Variants in SASS6 observed in about 807,000 individuals in gnomAD.
SASS6 encodes spindle assembly abnormal protein 6 homolog.
In SASS6, 59 loss-of-function variants were observed where a neutral mutation model predicts 94.9. The observed-to-expected ratio is 0.62, with a 90% CI of 0.50 to 0.77. SASS6 has a LOEUF of 0.77. Among genes scored for constraint, SASS6 ranks in the 30% least tolerant of loss-of-function variants. The pLI is 0.00. For synonymous variants in SASS6, 264 were observed against 270.0 expected (o/e 0.98, Z 0.22); for missense variants, 698 against 734.1 (o/e 0.95, Z 0.57).
Position 100,110,286 on chromosome 1 carries a change from C to A in SASS6, c.861+6G>T, listed in dbSNP as rs1362238027. 1 of 1,527,488 alleles carries A rather than the reference C, an allele frequency of 6.5e-7. No homozygotes were observed. Among genetic ancestry groups the A allele is most frequent in the Non-Finnish European group, 8.8e-7 (1 of 1,136,182 alleles). 94.6% of individuals were successfully genotyped at this position (1,527,488 alleles called of 1,614,324 possible). On this transcript the variant is annotated splice_donor_region_variant and intron_variant, in intron 8 of 16. Transcript: ENST00000287482. The stretch of plus-strand genomic sequence containing the variant: ...TTGGGGGAGGAAAAAAAACAACATT[C>A]AATACCTCTTCAACACCAGAAAGTT...
At chr1:100,104,327 C>T (rs1043172920) in intron 13 of SASS6, among the ~76,000 whole-genome samples, 23 of 152,118 alleles carry the variant, frequency 1.5e-4, no homozygotes, top group African/African-American at 5.3e-4. Context: ...TGTTAATATT[C>T]CATGAAATTG....
intron 1 of SASS6, among the ~76,000 whole-genome samples, chr1:100,129,174 T>C (rs1234167486): frequency 1.3e-5 from 2 of 151,822 alleles, no homozygotes; most frequent in Admixed American, 6.6e-5. Context: ...GAGTTTGAGA[T>C]TACAGTAAGC....
At chr1:100,121,791 T>C (rs1654219891) in intron 4 of SASS6, among the ~76,000 whole-genome samples, 1 of 152,196 alleles carries the variant, frequency 6.6e-6, no homozygotes, top group Non-Finnish European at 1.5e-5. Flanking sequence ...AAAAATTCAC[T>C]GAGTGCCACA....
In SASS6 at chr1:100,132,707, A is replaced by T. The variant is rs768395855; in HGVS notation, c.65+43T>A. The T allele has an allele frequency of 3.9e-6, 6 of 1,532,994 alleles. No individual in the cohort carries two copies. In the African/African-American group the frequency reaches 8.2e-5, roughly 21 times the overall value. 95.0% of individuals were successfully genotyped at this position (1,532,994 alleles called of 1,614,324 possible). A position where few individuals can be genotyped will look rare whatever the true frequency, so the allele number is the denominator to read the frequency against. The stretch of plus-strand genomic sequence containing the variant: ...ACCGCCATCTTTCCCCATTGGCCTG[A>T]CCCCAACCGCCACCCGCGGGCACTG... On this transcript the variant is annotated intron_variant, in intron 1 of 16. Transcript: ENST00000287482.
intron 8 of SASS6, among the ~76,000 whole-genome samples, chr1:100,109,147 C>A (rs1165830782): frequency 6.6e-6 from 1 of 152,040 alleles, no homozygotes; most frequent in Non-Finnish European, 1.5e-5. Context: ...AGCATTTAGA[C>A]TACCAATGTA....
At chr1:100,108,884 C>G (rs762084805) in intron 8 of SASS6, among the ~76,000 whole-genome samples, 15 of 151,814 alleles carry the variant, frequency 9.9e-5, no homozygotes, top group Non-Finnish European at 1.9e-4. Flanking sequence ...TTTTGGCTGG[C>G]ACACAGTAAA....
intron 14 of SASS6, among the ~76,000 whole-genome samples, chr1:100,090,715 C>G (rs543893301): frequency 1.1e-3 from 172 of 152,178 alleles, no homozygotes; most frequent in Non-Finnish European, 1.8e-3. Flanking sequence ...GATACAATTA[C>G]AGGAACTGCA....
chr1:100,092,068 T>C (rs1483163645), intron 14 of SASS6, among the ~76,000 whole-genome samples: 15 of 148,294 alleles, frequency 1.0e-4, no homozygotes, highest in Non-Finnish European at 1.5e-4. Flanking sequence ...CTTCAAAAAT[T>C]TGGGAAAAGG....
chr1:100,114,838 A>G (rs2101675546), intron 7 of SASS6, among the ~76,000 whole-genome samples: 1 of 152,290 alleles, frequency 6.6e-6, no homozygotes, highest in Non-Finnish European at 1.5e-5. Context: ...AGATGATTCC[A>G]CCTTTGGAAA....
intron 14 of SASS6, among the ~76,000 whole-genome samples, chr1:100,102,566 C>G (rs1379987428): frequency 6.6e-6 from 1 of 151,458 alleles, no homozygotes; most frequent in African/African-American, 2.4e-5. Flanking sequence ...GTAATCCCAG[C>G]TACTCAGGAG....
At chr1:100,088,331 C>T in intron 14 of SASS6, 95 bp from the exon 15 acceptor site, 1 of 637,434 alleles carries the variant, frequency 1.6e-6, no homozygotes. Context: ...TGCTCTGTTG[C>T]TTAAGCTGGA....
chr1:100,113,989 C>T (rs1468939946), intron 7 of SASS6, among the ~76,000 whole-genome samples: 1 of 151,462 alleles, frequency 6.6e-6, no homozygotes, highest in Non-Finnish European at 1.5e-5. Context: ...AGCAACACCT[C>T]ATCTTCAAAA....
At chr1:100,101,147 T>G in intron 14 of SASS6, among the ~76,000 whole-genome samples, 1 of 152,146 alleles carries the variant, frequency 6.6e-6, no homozygotes, top group East Asian at 1.9e-4. Flanking sequence ...AGTTGAATGT[T>G]GTTTGTTTTT....
intron 1 of SASS6, among the ~76,000 whole-genome samples, chr1:100,127,736 T>C (rs904273861): frequency 3.7e-4 from 55 of 148,318 alleles, no homozygotes; most frequent in African/African-American, 1.3e-3. Context: ...CCTGTAGTGC[T>C]GGCTACTTCA....
chr1:100,092,387 G>A (rs1205440800), intron 14 of SASS6, among the ~76,000 whole-genome samples: 1 of 152,096 alleles, frequency 6.6e-6, no homozygotes, highest in African/African-American at 2.4e-5. Flanking sequence ...ATTCCCAGGG[G>A]AAGAAAAAGA....
intron 1 of SASS6, among the ~76,000 whole-genome samples, chr1:100,130,753 G>C (rs888877426): frequency 1.3e-5 from 2 of 151,832 alleles, no homozygotes; most frequent in African/African-American, 4.8e-5. Context: ...ATAGGTCAAG[G>C]ATCACCAAAT....
chr1:100,132,627 C>G, intron 1 of SASS6, 123 bp downstream of exon 1: 2 of 846,024 alleles, frequency 2.4e-6, no homozygotes, highest in East Asian at 4.9e-5. Context: ...TCCCTATCCG[C>G]TTCCTAGGGG....
intron 12 of SASS6, 63 bp from the exon 13 acceptor site, chr1:100,105,966 A>C: frequency 9.4e-7 from 1 of 1,069,066 alleles, no homozygotes; most frequent in East Asian, 2.8e-5. Flanking sequence ...TAATCATCTT[A>C]AACATTTAAA....
At chr1:100,100,187 A>C (rs1652374566) in intron 14 of SASS6, among the ~76,000 whole-genome samples, 1 of 152,098 alleles carries the variant, frequency 6.6e-6, no homozygotes. Context: ...AATCGCTTGA[A>C]CCTGGGAGGT....
Sources: allele counts gnomAD v4.1 joint callset (sites outside exome capture counted in the v4.1 genomes callset), GRCh38; gene constraint gnomAD v4.1.1; transcripts MANE v1.5; gene names NCBI Gene and HGNC (gene_info 2026-07-23, HGNC 2026-07-21).